Variants in KIZ observed in about 807,000 individuals in gnomAD.
KIZ encodes centrosomal protein kizuna.
KIZ carries 68 observed loss-of-function variants against 79.6 expected under a neutral mutation model. That is an observed-to-expected ratio of 0.85 (90% CI 0.70 to 1.05). The LOEUF is 1.05. Among genes scored for constraint, KIZ ranks in the 50% least tolerant of loss-of-function variants. KIZ has a pLI of 0.00. For synonymous variants in KIZ, 280 were observed against 281.8 expected, an observed-to-expected ratio of 0.99 and a Z score of 0.06; for missense variants, 797 against 800.4, an observed-to-expected ratio of 1.00 and a Z score of 0.05.
At chr20:21,180,283 AGAT>A (rs2034599688) in intron 6 of KIZ, among the ~76,000 whole-genome samples, 1 of 151,672 alleles carries the variant, frequency 6.6e-6, no homozygotes, top group Non-Finnish European at 1.5e-5. Context: ...TTTTTTAAAA[AGAT>A]GATGACGATG....
intron 6 of KIZ, among the ~76,000 whole-genome samples, chr20:21,176,283 C>G (rs979411386): frequency 4.6e-4 from 70 of 152,246 alleles, no homozygotes; most frequent in African/African-American, 1.6e-3. Context: ...GCACCCTATC[C>G]TCAGTGAGAG....
At chr20:21,213,252 C>T (rs1365627019) in intron 7 of KIZ, among the ~76,000 whole-genome samples, 7 of 152,112 alleles carry the variant, frequency 4.6e-5, no homozygotes, top group African/African-American at 1.2e-4. Context: ...ACCTTCTGTC[C>T]GGGCCTTCTT....
At chr20:21,232,106 T>G (rs773125283) in intron 10 of KIZ, among the ~76,000 whole-genome samples, 1 of 152,158 alleles carries the variant, frequency 6.6e-6, no homozygotes, top group Non-Finnish European at 1.5e-5. Context: ...AGCAGAAACA[T>G]CCAAGGCTGA....
intron 6 of KIZ, 29 bp downstream of exon 6, chr20:21,163,188 G>C (rs1184917284): frequency 1.3e-6 from 2 of 1,482,420 alleles, no homozygotes; most frequent in Non-Finnish European, 1.8e-6. Flanking sequence ...TTTTTCTACT[G>C]TTCTGTTTTT....
At chr20:21,133,953 GC>G (rs1236197564) in intron 2 of KIZ, among the ~76,000 whole-genome samples, 2 of 152,244 alleles carry the variant, frequency 1.3e-5, no homozygotes, top group African/African-American at 4.8e-5. Flanking sequence ...GGTAAGGGCA[GC>G]CCCAGGTGGA....
chr20:21,240,715 C>A (rs61139213), intron 11 of KIZ, among the ~76,000 whole-genome samples: 9 of 151,762 alleles, frequency 5.9e-5, no homozygotes, highest in Non-Finnish European at 1.3e-4. Flanking sequence ...CCATACGGCC[C>A]GCAAGCTAAG....
intron 7 of KIZ, among the ~76,000 whole-genome samples, 162 bp downstream of exon 7, chr20:21,205,746 C>T (rs373143437): frequency 5.3e-5 from 8 of 151,684 alleles, no homozygotes; most frequent in Admixed American, 1.3e-4. Context: ...GTGGATCACG[C>T]GGTCAAGAGA....
intron 4 of KIZ, among the ~76,000 whole-genome samples, chr20:21,156,152 C>T (rs960756343): frequency 6.6e-6 from 1 of 152,162 alleles, no homozygotes; most frequent in Non-Finnish European, 1.5e-5. Flanking sequence ...TCCCTTGGAT[C>T]CCTCACCTAG....
At position 21,229,255 on chromosome 20, in the gene KIZ, T is replaced by C. The variant is rs1225189504; in HGVS notation, c.1783+140T>C. ...TCACCAGGACAGAATGAGCTAGTAC[T>C]TTTTTATCCTTAGCAAATGGACATG... On this transcript the variant is annotated intron_variant, in intron 10 of 12. Coordinates refer to ENST00000619189, the MANE Select transcript of KIZ (RefSeq NM_018474.6). 5.2e-6 allele frequency: 3 copies of C among 581,654 alleles called. No homozygotes were observed. The African/African-American group carries it at 5.6e-5, about 11-fold the overall frequency. The allele number at this position is 581,654 out of a possible 1,614,324, so 36.0% of individuals were successfully genotyped here.
chr20:21,182,990 T>C (rs756808673), intron 6 of KIZ, among the ~76,000 whole-genome samples: 19 of 152,118 alleles, frequency 1.2e-4, no homozygotes, highest in Non-Finnish European at 2.1e-4. Flanking sequence ...AAGGGGTTAT[T>C]GCCCCATGAG....
At position 21,179,448 on chromosome 20, in the gene KIZ, A is replaced by G. The variant is rs574733140; in HGVS notation, c.1352+16289A>G. ...TGTTTCCTCTTTCATTTCTGATTTT[A>G]TGTATTTGGGTTTTCTCTCTTTTTT... On this transcript the variant is annotated intron_variant, in intron 6 of 12. Transcript: ENST00000619189. 2.0e-5 allele frequency among the ~76,000 whole-genome samples: 3 copies of G among 151,130 alleles called. No individual in the cohort carries two copies. The South Asian group carries it at 6.2e-4, about 31-fold the overall frequency.
chr20:21,158,435 G>T (rs2033489751), intron 4 of KIZ: 1 of 152,176 alleles, frequency 6.6e-6, no homozygotes, highest in Non-Finnish European at 1.5e-5. Flanking sequence ...TACACTCAGG[G>T]ATAATCACTG....
intron 9 of KIZ, among the ~76,000 whole-genome samples, chr20:21,226,785 C>T (rs2036669804): frequency 2.6e-5 from 4 of 152,314 alleles, no homozygotes; most frequent in African/African-American, 4.8e-5. Flanking sequence ...CTCGCCAGCC[C>T]TTTAGGACTC....
At chr20:21,154,899 G>C (rs1424186528) in intron 4 of KIZ, among the ~76,000 whole-genome samples, 1 of 152,188 alleles carries the variant, frequency 6.6e-6, no homozygotes, top group Non-Finnish European at 1.5e-5. Context: ...TCAGCAAATG[G>C]GAAACCTGCC....
chr20:21,186,411 G>T (rs147900973), intron 6 of KIZ, among the ~76,000 whole-genome samples: 1 of 151,590 alleles, frequency 6.6e-6, no homozygotes, highest in African/African-American at 2.4e-5. Flanking sequence ...CTTGGAATCC[G>T]TTTCTTCCGT....
chr20:21,246,323 A>G, intron 12 of KIZ, 156 bp from the exon 13 acceptor site: 1 of 634,640 alleles, frequency 1.6e-6, no homozygotes, highest in Non-Finnish European at 2.8e-6. Flanking sequence ...TATGACATGC[A>G]TTTGGGTGTG....
chr20:21,140,669 A>T (rs2032465936), intron 3 of KIZ, among the ~76,000 whole-genome samples: 2 of 152,276 alleles, frequency 1.3e-5, no homozygotes, highest in African/African-American at 4.8e-5. Context: ...GGGGCTGAAT[A>T]AACACAGTTC....
At chr20:21,195,316 A>T (rs1459007823) in intron 6 of KIZ, 1 of 152,264 alleles carries the variant, frequency 6.6e-6, no homozygotes, top group East Asian at 1.9e-4. Flanking sequence ...AGGAGTGCAG[A>T]TGCAGGTAAT....
intron 4 of KIZ, among the ~76,000 whole-genome samples, chr20:21,147,683 A>G (rs1386694230): frequency 3.9e-5 from 6 of 152,228 alleles, no homozygotes; most frequent in Non-Finnish European, 8.8e-5. Context: ...TTACCTTCAG[A>G]GTGCTTCTCA....
Sources: gnomAD v4.1 joint callset for allele counts (sites outside exome capture counted in the v4.1 genomes callset) on GRCh38, gnomAD v4.1.1 for gene constraint, MANE v1.5 for transcripts, NCBI Gene and HGNC (gene_info 2026-07-23, HGNC 2026-07-21) for gene names.